The following KIAA0319L variants were observed in gnomAD, a reference collection of about 807,000 sequenced individuals.
KIAA0319L encodes the protein dyslexia-associated protein KIAA0319-like protein.
KIAA0319L carries 55 observed loss-of-function variants against 120.1 expected under a neutral mutation model. The observed-to-expected ratio is 0.46, with a 90% confidence interval of 0.37 to 0.57. The LOEUF is 0.57. KIAA0319L is among the 20% of genes least tolerant of loss of function. KIAA0319L has a pLI of 0.00. For missense variants in KIAA0319L, 1,049 were observed against 1,255.3 expected, an observed-to-expected ratio of 0.84 and a Z score of 2.48; for synonymous variants, 398 against 471.9, an observed-to-expected ratio of 0.84 and a Z score of 2.03.
intron 5 of KIAA0319L, among the ~76,000 whole-genome samples, chr1:35,473,102 T>C (rs1439228819): frequency 7.2e-6 from 1 of 138,376 alleles, no homozygotes; most frequent in African/African-American, 2.8e-5. Flanking sequence ...TTTTTTTTTT[T>C]TCTTTTTTTT....
At chr1:35,488,414 G>A (rs905967775) in intron 3 of KIAA0319L, among the ~76,000 whole-genome samples, 1 of 152,096 alleles carries the variant, frequency 6.6e-6, no homozygotes, top group African/African-American at 2.4e-5. Flanking sequence ...CCTGAGTGAG[G>A]GACTGACTAC....
chr1:35,479,958 A>AAAAAAAAAAAAAAAAAAT (rs1644086479), intron 3 of KIAA0319L, among the ~76,000 whole-genome samples: 1 of 141,170 alleles, frequency 7.1e-6, no homozygotes, highest in Non-Finnish European at 1.5e-5. Flanking sequence ...AAAAAAAAAA[A>AAAAAAAAAAAAAAAAAAT]AAAAAAAAAA....
intron 2 of KIAA0319L, chr1:35,533,580 T>G (rs925407718): frequency 6.6e-6 from 1 of 152,222 alleles, no homozygotes; most frequent in Non-Finnish European, 1.5e-5. Context: ...AGCTTTCCCT[T>G]GATAATTATA....
intron 3 of KIAA0319L, among the ~76,000 whole-genome samples, chr1:35,488,396 G>A (rs952650036): frequency 3.3e-5 from 5 of 152,142 alleles, no homozygotes; most frequent in African/African-American, 9.7e-5. Context: ...TGACACCCAT[G>A]TTTCTAGCCT....
At chr1:35,535,096 T>TAAAA (rs56965473) in intron 2 of KIAA0319L, among the ~76,000 whole-genome samples, 47 of 56,330 alleles carry the variant, frequency 8.3e-4, no homozygotes, top group Non-Finnish European at 9.8e-4. Flanking sequence ...GACTCCGTCT[T>TAAAA]AAAAAAAAAA....
rs183296014 is a variant in KIAA0319L, at chr1:35,509,458, A to T, written c.143-2323T>A. 5.3e-4 allele frequency among the ~76,000 whole-genome samples: 80 copies of T among 152,368 alleles called. 1 individual carries two copies. Among genetic ancestry groups the T allele is most frequent in the African/African-American group, 1.9e-3 (78 of 41,584 alleles). Reference sequence around the variant, plus strand: ...AGAAGAAAAGTCTATAAAATCAATGATTTAGAGAGACACATGGAGAAAACG... The same window carrying T: ...AGAAGAAAAGTCTATAAAATCAATGTTTTAGAGAGACACATGGAGAAAACG... On this transcript the variant is annotated intron_variant, in intron 2 of 20. Coordinates refer to ENST00000325722, the MANE Select transcript of KIAA0319L (RefSeq NM_024874.5).
intron 7 of KIAA0319L, among the ~76,000 whole-genome samples, chr1:35,464,894 C>A (rs1287914381): frequency 6.6e-6 from 1 of 152,212 alleles, no homozygotes; most frequent in Non-Finnish European, 1.5e-5. Flanking sequence ...AGGGTGCAAG[C>A]CTCAAGTCTT....
intron 3 of KIAA0319L, among the ~76,000 whole-genome samples, chr1:35,483,959 T>A (rs1165442794): frequency 6.6e-6 from 1 of 152,156 alleles, no homozygotes; most frequent in African/African-American, 2.4e-5. Flanking sequence ...CACGTGGCCT[T>A]CTTCCGTGTC....
Position 35,470,873 on chromosome 1 carries a change from T to A in KIAA0319L, c.1103A>T (p.Lys368Ile), listed in dbSNP as rs1183128585. The change falls in exon 6 of 21, where the codon AAA becomes ATA. Residue 368 changes from lysine (K) to isoleucine (I), a missense_variant. Lys to Ile is a moderately radical substitution (Grantham distance 102). Coordinates refer to ENST00000325722, the MANE Select transcript of KIAA0319L (RefSeq NM_024874.5). Reference protein sequence around the residue: ...EMEGKHSQILKLSKLTPGLYE... With the variant: ...EMEGKHSQILILSKLTPGLYE... ...AGGAGGCAAATTCACCTTCGATAGT[T>A]TGAGGATCTGGGAATGTTTCCCTTC... 6.2e-7 allele frequency: 1 copy of A among 1,609,092 alleles called. No individual in the cohort carries two copies. Among genetic ancestry groups the A allele is most frequent in the African/African-American group, 1.3e-5 (1 of 74,816 alleles).
intron 2 of KIAA0319L, among the ~76,000 whole-genome samples, chr1:35,509,541 G>C (rs1645343206): frequency 6.6e-6 from 1 of 152,208 alleles, no homozygotes; most frequent in Non-Finnish European, 1.5e-5. Flanking sequence ...AGGAAAGCCA[G>C]GATTGACAGC....
intron 2 of KIAA0319L, among the ~76,000 whole-genome samples, chr1:35,541,234 G>A (rs541278121): frequency 2.2e-4 from 34 of 151,788 alleles, no homozygotes; most frequent in South Asian, 1.0e-3. Context: ...GAGCCACTGC[G>A]CCTGGTCTTA....
intron 8 of KIAA0319L, among the ~76,000 whole-genome samples, chr1:35,461,086 C>T (rs555233477): frequency 2.6e-5 from 4 of 152,140 alleles, no homozygotes; most frequent in Admixed American, 6.5e-5. Context: ...AGTAAGAACT[C>T]GTACAATGAA....
intron 3 of KIAA0319L, among the ~76,000 whole-genome samples, chr1:35,481,429 A>G (rs1644158878): frequency 6.6e-6 from 1 of 152,182 alleles, no homozygotes; most frequent in East Asian, 1.9e-4. Flanking sequence ...TTGCTCTACA[A>G]CTTCACCAAC....
intron 20 of KIAA0319L, 68 bp from the exon 21 acceptor site, chr1:35,435,149 A>G (rs913838303): frequency 7.0e-7 from 1 of 1,423,490 alleles, no homozygotes; most frequent in Non-Finnish European, 9.7e-7. Context: ...CCCACACCTT[A>G]CCCCAGCCTG....
chr1:35,507,058 A>G lies in KIAA0319L; in HGVS notation c.220T>C (p.Trp74Arg), dbSNP rs751625505. 8.8e-6 allele frequency: 14 copies of G among 1,587,314 alleles called. No homozygotes were observed. In the East Asian group the frequency reaches 3.1e-4, roughly 35 times the overall value. ...AGAGAGGGGGTTCCTTCAAGAAGCC[A>G]GAGGTGATTTTCTCCCCCAGATCTC... ...GLRSGGENHL[W>R]LLEGTPSLQS... The change falls in exon 3 of 21, where the codon TGG (tryptophan) becomes CGG (arginine). Residue 74 changes from tryptophan to arginine, a missense_variant. By Grantham distance (101) the Trp-to-Arg change is moderately radical. Coordinates refer to ENST00000325722, the MANE Select transcript of KIAA0319L (RefSeq NM_024874.5).
chr1:35,531,195 G>A (rs1429808588), intron 2 of KIAA0319L, among the ~76,000 whole-genome samples: 1 of 152,238 alleles, frequency 6.6e-6, no homozygotes, highest in Admixed American at 6.5e-5. Context: ...TGGGGTTGCT[G>A]CTAGTGACAG....
At chr1:35,534,893 A>ACAAT (rs998962359) in intron 2 of KIAA0319L, among the ~76,000 whole-genome samples, 4 of 149,770 alleles carry the variant, frequency 2.7e-5, no homozygotes, top group African/African-American at 9.8e-5. Context: ...AGAAAGAAAA[A>ACAAT]CAATCACAAG....
rs1385981703 is a variant in KIAA0319L, at chr1:35,506,535, C to T, written c.666+77G>A. On this transcript the variant is annotated intron_variant, in intron 3 of 20. Transcript: ENST00000325722. The surrounding 1 kb of genome is among the most constrained non-coding windows in gnomAD (Gnocchi z 4.0). ...GCCTATGAGCACTGCCCGCAAGCAT[C>T]AGCTTCATTGCTCATATATACCAAA... The T allele has an allele frequency of 9.3e-6, 13 of 1,390,560 alleles. No individual in the cohort carries two copies. The highest frequency in any genetic ancestry group is 2.9e-5 in the African/African-American group (2 of 69,682). The allele number at this position is 1,390,560 out of a possible 1,614,324, so 86.1% of individuals were successfully genotyped here. A position where few individuals can be genotyped will look rare whatever the true frequency, so the allele number is the denominator to read the frequency against.
At chr1:35,466,824 G>A (rs1643295019) in intron 6 of KIAA0319L, 129 bp from the exon 7 acceptor site, 1 of 684,974 alleles carries the variant, frequency 1.5e-6, no homozygotes, top group Non-Finnish European at 2.5e-6. Context: ...AAATGGAAAA[G>A]GTAAAGTAGC....
Sources: gnomAD v4.1 joint callset for allele counts (sites outside exome capture counted in the v4.1 genomes callset) on GRCh38, gnomAD v4.1.1 for gene constraint, Gnocchi (gnomAD v3.1) non-coding constraint, MANE v1.5 for transcripts, NCBI Gene and HGNC (gene_info 2026-07-23, HGNC 2026-07-21) for gene names.